AMMECR1: variants seen among roughly 807,000 people sequenced by gnomAD.
AMMECR1 encodes the protein AMMECR nuclear protein 1.
AMMECR1 carries 3 observed loss-of-function variants against 22.5 expected under a neutral mutation model. The observed-to-expected ratio is 0.13, with a 90% CI of 0.06 to 0.35. AMMECR1 has a LOEUF of 0.35. AMMECR1 is among the 10% of genes least tolerant of loss of function. The pLI is 1.00. For missense variants in AMMECR1, 235 were observed against 278.7 expected (o/e 0.84, Z 1.12); for synonymous variants, 130 against 116.7 (o/e 1.11, Z -0.74).
chrX:110,367,390 T>G (rs2068304314), intron 2 of AMMECR1, among the ~76,000 whole-genome samples: 1 of 112,104 alleles, frequency 8.9e-6, no homozygotes, highest in Admixed American at 9.5e-5. Flanking sequence ...ATGATTCATA[T>G]CAAGGTCAAC....
At chrX:110,377,282 C>T (rs1344258546) in intron 2 of AMMECR1, among the ~76,000 whole-genome samples, 6 of 111,695 alleles carry the variant, frequency 5.4e-5, no homozygotes, top group Non-Finnish European at 1.1e-4. Context: ...TAGCAACAAT[C>T]TTAATATCTT....
chrX:110,275,629 G>A lies in AMMECR1; in HGVS notation c.474-11030C>T, dbSNP rs540503564. Among the ~76,000 whole-genome samples the A allele has an allele frequency of 8.7e-3, 968 of 110,683 alleles. 15 individuals are homozygous for A. Among genetic ancestry groups the A allele is most frequent in the African/African-American group, 0.03 (922 of 30,421 alleles). ...ATGAATCACCTGAGGCCGGGAGTTC[G>A]AGACCAGCCTGACCAACATGGAGAA... On this transcript the variant is annotated intron_variant, in intron 1 of 5. Coordinates refer to ENST00000262844, the MANE Select transcript of AMMECR1 (RefSeq NM_015365.3).
intron 2 of AMMECR1, among the ~76,000 whole-genome samples, chrX:110,225,439 C>T (rs750357994): frequency 8.9e-6 from 1 of 112,120 alleles, no homozygotes; most frequent in Admixed American, 9.4e-5. Context: ...GTCCATTCTG[C>T]GTGGGTTAGT....
intron 1 of AMMECR1, among the ~76,000 whole-genome samples, chrX:110,276,497 T>C (rs1433836716): frequency 8.9e-6 from 1 of 112,370 alleles, no homozygotes; most frequent in Admixed American, 9.4e-5. Flanking sequence ...TCAAAGACTG[T>C]TGAAGTTCAT....
At chrX:110,369,467 G>A (rs944157222) in intron 2 of AMMECR1, among the ~76,000 whole-genome samples, 5 of 112,288 alleles carry the variant, frequency 4.5e-5, no homozygotes, top group African/African-American at 9.7e-5. Flanking sequence ...GTAGTGAAAA[G>A]TATATTCTAC....
intron 1 of AMMECR1, among the ~76,000 whole-genome samples, chrX:110,294,972 C>T (rs2067927700): frequency 9.1e-6 from 1 of 110,059 alleles, no homozygotes. Context: ...TTCAAGGATG[C>T]ATTTAATTTG....
chrX:110,339,417 A>AAC lies in AMMECR1; in HGVS notation c.-147-21569_-147-21568insGT, dbSNP rs1320324910. ...GGTTTGTTGTAAAAAAAAAAAAAAA[A>AAC]AAAAAAAACAAAAAAAGGAGAAATT... On this transcript the variant is annotated intron_variant, in intron 2 of 7. Transcript: ENST00000372057. Among the ~76,000 whole-genome samples, 5 of 106,898 alleles carry AAC rather than the reference A, an allele frequency of 4.7e-5. No individual in the cohort carries two copies. The East Asian group carries it at 1.1e-3, about 25-fold the overall frequency. 92.8% of individuals were successfully genotyped at this position (106,898 alleles called of 115,157 possible). A position where few individuals can be genotyped will look rare whatever the true frequency, so the allele number is the denominator to read the frequency against.
At position 110,254,451 on chromosome X, in the gene AMMECR1, T is replaced by C. The variant is rs779855745; in HGVS notation, c.584+10038A>G. 7.2e-5 allele frequency among the ~76,000 whole-genome samples: 8 copies of C among 111,827 alleles called. No individual in the cohort carries two copies. The East Asian group carries it at 2.2e-3, about 31-fold the overall frequency. ...TATATTTTACAATCTATAAGGCTCA[T>C]GTCATAGTTCATCACCAAAAAGATC... is the stretch of plus-strand genomic sequence containing the variant. On this transcript the variant is annotated intron_variant, in intron 2 of 5. Transcript: ENST00000262844.
chrX:110,381,173 TA>T (rs1042769600), intron 2 of AMMECR1, among the ~76,000 whole-genome samples: 4 of 111,797 alleles, frequency 3.6e-5, no homozygotes, highest in African/African-American at 1.3e-4. Context: ...AAAATATTCA[TA>T]AACTATGCAT....
At chrX:110,231,312 A>C (rs1392776411) in intron 2 of AMMECR1, among the ~76,000 whole-genome samples, 1 of 112,076 alleles carries the variant, frequency 8.9e-6, no homozygotes. Context: ...GGAACAGCGG[A>C]TCTCTCAGCT....
At chrX:110,424,355 C>T (rs1341116537) in intron 2 of AMMECR1, among the ~76,000 whole-genome samples, 2 of 111,712 alleles carry the variant, frequency 1.8e-5, no homozygotes, top group African/African-American at 6.5e-5. Flanking sequence ...TACTGTTTCT[C>T]CTCCTCTATT....
chrX:110,437,716 G>A (rs974894693), intron 1 of AMMECR1, among the ~76,000 whole-genome samples: 3 of 111,616 alleles, frequency 2.7e-5, no homozygotes, highest in Non-Finnish European at 5.7e-5. Flanking sequence ...CAAAGGGTGG[G>A]AAGGGGGTCT....
At chrX:110,368,510 G>C (rs1230935706) in intron 2 of AMMECR1, among the ~76,000 whole-genome samples, 6 of 111,954 alleles carry the variant, frequency 5.4e-5, no homozygotes, top group African/African-American at 1.9e-4. Context: ...CTCATAGAGT[G>C]TCATGCTTAT....
intron 2 of AMMECR1, among the ~76,000 whole-genome samples, chrX:110,379,134 C>A (rs2068400606): frequency 8.9e-6 from 1 of 111,779 alleles, no homozygotes; most frequent in Non-Finnish European, 1.9e-5. Flanking sequence ...CATACCACCC[C>A]CATCTGCTTT....
chrX:110,321,929 T>A (rs939069500), upstream of AMMECR1, among the ~76,000 whole-genome samples: 1 of 112,588 alleles, frequency 8.9e-6, no homozygotes, highest in Non-Finnish European at 1.9e-5. Flanking sequence ...CCTTTTATAT[T>A]TGAATGAATA....
intron 1 of AMMECR1, among the ~76,000 whole-genome samples, chrX:110,305,691 TTATA>T (rs1007665050): frequency 2.1e-4 from 23 of 111,747 alleles, no homozygotes; most frequent in African/African-American, 6.8e-4. Flanking sequence ...ACTGAAATGG[TTATA>T]TAGTCTATAT....
chrX:110,314,060 C>A (rs1417243039), intron 1 of AMMECR1, among the ~76,000 whole-genome samples: 1 of 111,466 alleles, frequency 9.0e-6, no homozygotes, highest in Non-Finnish European at 1.9e-5. Context: ...GGGAATGGGG[C>A]CCAACAATTT....
At chrX:110,226,428 AC>A (rs2067533373) in intron 2 of AMMECR1, among the ~76,000 whole-genome samples, 1 of 110,668 alleles carries the variant, frequency 9.0e-6, no homozygotes. Flanking sequence ...ACATGGTAAA[AC>A]CCCATCTCTA....
Position 110,435,001 on chromosome X carries a change from G to T in AMMECR1, c.-294+4889C>A, listed in dbSNP as rs769150895. 3.2e-3 allele frequency among the ~76,000 whole-genome samples: 334 copies of T among 104,942 alleles called. 1 individual carries two copies. Among genetic ancestry groups the T allele is most frequent in the Admixed American group, 4.9e-3 (48 of 9,746 alleles). 91.1% of individuals were successfully genotyped at this position (104,942 alleles called of 115,157 possible). On this transcript the variant is annotated intron_variant, in intron 1 of 7. Coordinates refer to the AMMECR1 transcript ENST00000372057. ...TGATCATGGTCCTTGTTCCAGGGCT[G>T]CACTCAGGCCAGTGACAGAAGGAAG...
Sources: gnomAD v4.1 joint callset for allele counts (sites outside exome capture counted in the v4.1 genomes callset) on GRCh38, gnomAD v4.1.1 for gene constraint, MANE v1.5 for transcripts, NCBI Gene and HGNC (gene_info 2026-07-23, HGNC 2026-07-21) for gene names.